The following MINDY4 variants were observed in gnomAD, a reference collection of about 807,000 sequenced individuals.
MINDY4 encodes the protein MINDY lysine 48 deubiquitinase 4.
In MINDY4, 68 loss-of-function variants were observed where a neutral mutation model predicts 87.0. That is an observed-to-expected ratio of 0.78 (90% CI 0.64 to 0.96). The LOEUF (loss-of-function observed/expected upper bound fraction) is 0.96. Ranked by LOEUF, MINDY4 falls within the 40% of genes least tolerant of loss-of-function variation. The pLI is 0.00. For synonymous variants in MINDY4, 379 were observed against 363.2 expected, an observed-to-expected ratio of 1.04 and a Z score of -0.50; for missense variants, 919 against 928.2, an observed-to-expected ratio of 0.99 and a Z score of 0.13.
Position 30,875,509 on chromosome 7 carries a change from G to C in MINDY4, c.1824G>C (p.Leu608=). The C allele has an allele frequency of 6.2e-7, 1 of 1,614,186 alleles. No homozygotes were observed. Among genetic ancestry groups the C allele is most frequent in the Non-Finnish European group, 8.5e-7 (1 of 1,180,042 alleles). The change falls in exon 15 of 18, where the codon CTG becomes CTC. Residue 608 remains leucine, a synonymous_variant. Transcript: ENST00000265299. Reference sequence around the variant, plus strand: ...CTCATCTGCAGGAACTTGTCAATCTGCTCCTGACTGGGAAAGCTGTGTCCA... The same window carrying C: ...CTCATCTGCAGGAACTTGTCAATCTCCTCCTGACTGGGAAAGCTGTGTCCA... The part of the protein sequence containing the change: ...HGYCTQELVN[L]LLTGKAVSNV...
At chr7:30,788,559 G>A (rs1787225857) in intron 4 of MINDY4, among the ~76,000 whole-genome samples, 1 of 152,136 alleles carries the variant, frequency 6.6e-6, no homozygotes, top group African/African-American at 2.4e-5. Flanking sequence ...GCTCACGGTG[G>A]CAGATAGAAG....
chr7:30,814,110 T>C (rs1421943699), intron 5 of MINDY4, among the ~76,000 whole-genome samples: 2 of 152,224 alleles, frequency 1.3e-5, no homozygotes, highest in African/African-American at 4.8e-5. Flanking sequence ...AGTCAGACAT[T>C]GTGGGCCTGA....
chr7:30,786,072 T>TG, intron 4 of MINDY4, 80 bp downstream of exon 4: 1 of 1,572,392 alleles, frequency 6.4e-7, no homozygotes. Context: ...TGGGTTTATT[T>TG]GGGGTACCCC....
chr7:30,887,796 T>A (rs1390423493), intron 17 of MINDY4, among the ~76,000 whole-genome samples: 2 of 152,182 alleles, frequency 1.3e-5, no homozygotes, highest in Non-Finnish European at 2.9e-5. Context: ...CGGGTGGCAG[T>A]CAGAGAACAC....
At chr7:30,786,309 CCAGGTT>C in intron 4 of MINDY4, 1 of 305,318 alleles carries the variant, frequency 3.3e-6, no homozygotes, top group Non-Finnish European at 6.1e-6. Context: ...GAGAACCTAT[CCAGGTT>C]CAGAGAGCAT....
intron 4 of MINDY4, among the ~76,000 whole-genome samples, chr7:30,789,491 A>T (rs1188800426): frequency 1.3e-5 from 2 of 152,166 alleles, no homozygotes; most frequent in African/African-American, 4.8e-5. Context: ...ATTTCATCAT[A>T]TTTACTACAT....
At chr7:30,847,803 G>T (rs1166566918) in intron 9 of MINDY4, among the ~76,000 whole-genome samples, 1 of 152,132 alleles carries the variant, frequency 6.6e-6, no homozygotes, top group Non-Finnish European at 1.5e-5. Context: ...GCAGTGGCAC[G>T]ATCATGGCCC....
At chr7:30,797,438 A>G (rs1418004758) in intron 5 of MINDY4, among the ~76,000 whole-genome samples, 1 of 152,240 alleles carries the variant, frequency 6.6e-6, no homozygotes, top group Non-Finnish European at 1.5e-5. Flanking sequence ...AGAGAGGGTT[A>G]CACTTGAGAG....
chr7:30,819,045 T>C (rs1788245002), intron 5 of MINDY4, among the ~76,000 whole-genome samples: 1 of 152,222 alleles, frequency 6.6e-6, no homozygotes, highest in South Asian at 2.1e-4. Flanking sequence ...AATCTATTAT[T>C]TTTTATTTCA....
intron 6 of MINDY4, among the ~76,000 whole-genome samples, chr7:30,833,418 A>T: frequency 6.6e-6 from 1 of 152,214 alleles, no homozygotes; most frequent in East Asian, 1.9e-4. Flanking sequence ...CTTACTCACT[A>T]TCACAAGACC....
intron 17 of MINDY4, among the ~76,000 whole-genome samples, chr7:30,887,141 C>A (rs1486734738): frequency 6.6e-6 from 1 of 152,210 alleles, no homozygotes; most frequent in Non-Finnish European, 1.5e-5. Context: ...CAGCTACCCC[C>A]ACTCCCTGCG....
intron 9 of MINDY4, among the ~76,000 whole-genome samples, chr7:30,841,275 C>A (rs1044074258): frequency 6.6e-6 from 1 of 152,258 alleles, no homozygotes; most frequent in Non-Finnish European, 1.5e-5. Context: ...ATCACTTCCA[C>A]TCCCTGCAGC....
At chr7:30,877,683 CTTTT>C (rs573026878) in intron 15 of MINDY4, among the ~76,000 whole-genome samples, 3 of 112,688 alleles carry the variant, frequency 2.7e-5, no homozygotes, top group Admixed American at 1.7e-4. Context: ...TCTTCTTCTT[CTTTT>C]TTTTTTTTTT....
At chr7:30,833,544 C>A (rs1788770293) in intron 6 of MINDY4, among the ~76,000 whole-genome samples, 1 of 152,182 alleles carries the variant, frequency 6.6e-6, no homozygotes, top group Non-Finnish European at 1.5e-5. Flanking sequence ...AGAGCCAAGC[C>A]ATATCATTCT....
At chr7:30,799,219 C>T (rs1284027760) in intron 5 of MINDY4, among the ~76,000 whole-genome samples, 3 of 152,156 alleles carry the variant, frequency 2.0e-5, no homozygotes, top group Admixed American at 2.0e-4. Flanking sequence ...CTACACATGC[C>T]TAGACCAGAC....
At chr7:30,834,343 C>A (rs1374506806) in intron 6 of MINDY4, among the ~76,000 whole-genome samples, 1 of 152,228 alleles carries the variant, frequency 6.6e-6, no homozygotes, top group Non-Finnish European at 1.5e-5. Context: ...TTAGGCCTTG[C>A]ACCTTTGAAG....
chr7:30,774,161 A>G (rs1786732604), intron 1 of MINDY4, among the ~76,000 whole-genome samples: 1 of 152,148 alleles, frequency 6.6e-6, no homozygotes, highest in South Asian at 2.1e-4. Context: ...CTGGATGACC[A>G]TTTCATACCT....
intron 5 of MINDY4, among the ~76,000 whole-genome samples, chr7:30,819,522 ATTC>A (rs1229427826): frequency 6.6e-6 from 1 of 152,112 alleles, no homozygotes; most frequent in African/African-American, 2.4e-5. Flanking sequence ...TTTAGTCTTT[ATTC>A]TTATTAATGT....
At chr7:30,872,578 T>C (rs1423652613) in intron 14 of MINDY4, among the ~76,000 whole-genome samples, 2 of 152,220 alleles carry the variant, frequency 1.3e-5, no homozygotes, top group Non-Finnish European at 2.9e-5. Flanking sequence ...CAAAAGAGGC[T>C]GAACTCAGAC....
Sources: allele counts gnomAD v4.1 joint callset (sites outside exome capture counted in the v4.1 genomes callset), GRCh38; gene constraint gnomAD v4.1.1; transcripts MANE v1.5; gene names NCBI Gene and HGNC (gene_info 2026-07-23, HGNC 2026-07-21).